REEP5: variants seen among roughly 807,000 people sequenced by gnomAD.
REEP5 encodes the protein receptor expression-enhancing protein 5.
Under a neutral mutation model 22.4 loss-of-function variants are expected in REEP5, and 24 were observed. The observed-to-expected ratio is 1.07, with a 90% CI of 0.78 to 1.51. The LOEUF is 1.51. Ranked by LOEUF, REEP5 falls within the 40% of genes most tolerant of loss-of-function variation. The pLI is 0.00. For missense variants in REEP5, 252 were observed against 233.0 expected (o/e 1.08, Z -0.53); for synonymous variants, 103 against 88.6 (o/e 1.16, Z -0.92).
intron 3 of REEP5, chr5:112,891,589 A>G (rs1414172470): frequency 6.4e-7 from 1 of 1,555,914 alleles, no homozygotes; most frequent in Non-Finnish European, 8.7e-7. Context: ...AAAATCTTCC[A>G]TATATTCCCA....
At chr5:112,902,806 T>G (rs1378915001) in intron 2 of REEP5, among the ~76,000 whole-genome samples, 1 of 152,174 alleles carries the variant, frequency 6.6e-6, no homozygotes, top group Non-Finnish European at 1.5e-5. Flanking sequence ...TCCTAGAATA[T>G]ACCACTAGTG....
At chr5:112,903,976 T>A (rs1006913209) in intron 2 of REEP5, among the ~76,000 whole-genome samples, 3 of 152,136 alleles carry the variant, frequency 2.0e-5, no homozygotes, top group African/African-American at 7.2e-5. Flanking sequence ...GTACTACAGG[T>A]ACACACCACC....
In REEP5 at chr5:112,878,666, AAT is replaced by A; in HGVS notation, c.*118_*119del. 1 of 1,389,112 alleles carries A rather than the reference AAT, an allele frequency of 7.2e-7. No homozygotes were observed. Among genetic ancestry groups the A allele is most frequent in the Non-Finnish European group, 9.8e-7 (1 of 1,015,318 alleles). 86.0% of individuals were successfully genotyped at this position (1,389,112 alleles called of 1,614,324 possible). A position where few individuals can be genotyped will look rare whatever the true frequency, so the allele number is the denominator to read the frequency against. Reference sequence around the variant, plus strand: ...AAACTTACAACACATTCCAATCTTTAATATCTCAAAAATGTTTCCAAGGCAAC... The same window carrying A: ...AAACTTACAACACATTCCAATCTTTAATCTCAAAAATGTTTCCAAGGCAAC... On this transcript the variant is annotated 3_prime_UTR_variant, in exon 5 of 5. Coordinates refer to ENST00000379638, the MANE Select transcript of REEP5 (RefSeq NM_005669.5).
chr5:112,916,741 A>AT (rs1237819942), intron 2 of REEP5, among the ~76,000 whole-genome samples: 2 of 152,176 alleles, frequency 1.3e-5, no homozygotes, highest in African/African-American at 4.8e-5. Context: ...AAAGCATGAA[A>AT]TTTGGAGCCA....
intron 2 of REEP5, among the ~76,000 whole-genome samples, chr5:112,904,839 T>C (rs1356014870): frequency 6.6e-6 from 1 of 152,188 alleles, no homozygotes; most frequent in Non-Finnish European, 1.5e-5. Context: ...AAAAAATTCT[T>C]TTTTAATTCA....
chr5:112,894,466 C>G (rs1045066648), intron 3 of REEP5: 14 of 152,232 alleles, frequency 9.2e-5, no homozygotes, highest in African/African-American at 2.9e-4. Context: ...ACTGTAGTTG[C>G]TTATATAGGA....
intron 2 of REEP5, among the ~76,000 whole-genome samples, chr5:112,916,615 G>C (rs1769238384): frequency 6.6e-6 from 1 of 152,164 alleles, no homozygotes; most frequent in Non-Finnish European, 1.5e-5. Flanking sequence ...GTATTGACAG[G>C]GTCAACTGTT....
chr5:112,892,569 C>T, intron 3 of REEP5: 2 of 1,614,110 alleles, frequency 1.2e-6, no homozygotes, highest in Non-Finnish European at 1.7e-6. Context: ...GCCCAGTGAC[C>T]CGGTGGAAAA....
chr5:112,890,658 G>C (rs1393341845), intron 3 of REEP5, among the ~76,000 whole-genome samples: 1 of 150,484 alleles, frequency 6.6e-6, no homozygotes, highest in Non-Finnish European at 1.5e-5. Context: ...GATTACAGGT[G>C]TGAGCCACTG....
intron 2 of REEP5, among the ~76,000 whole-genome samples, chr5:112,902,966 T>C (rs1768882760): frequency 6.6e-6 from 1 of 152,198 alleles, no homozygotes; most frequent in South Asian, 2.1e-4. Context: ...AAAGCAACAT[T>C]TGGAACATAG....
At chr5:112,891,586 T>C in intron 3 of REEP5, 2 of 1,554,874 alleles carry the variant, frequency 1.3e-6, no homozygotes, top group Non-Finnish European at 1.7e-6. Context: ...AACAAAATCT[T>C]CCATATATTC....
At position 112,888,118 on chromosome 5, in the gene REEP5, T is replaced by G. The variant is rs541691559; in HGVS notation, c.352-935A>C. 3.3e-5 allele frequency among the ~76,000 whole-genome samples: 5 copies of G among 152,290 alleles called. No individual in the cohort carries two copies. In the South Asian group the frequency reaches 1.0e-3, roughly 32 times the overall value. On this transcript the variant is annotated intron_variant, in intron 3 of 4. Coordinates refer to ENST00000379638, the MANE Select transcript of REEP5 (RefSeq NM_005669.5). The stretch of plus-strand genomic sequence containing the variant: ...TTACAGAGATTCCAAATCAGTATTT[T>G]TTACAACTTCTCCTTAGTGTAAAAA...
intron 3 of REEP5, chr5:112,892,861 AG>A (rs754337896): frequency 1.2e-6 from 2 of 1,612,836 alleles, no homozygotes; most frequent in South Asian, 1.1e-5. Flanking sequence ...GAGTAGTCAT[AG>A]GGGGAAGAAA....
rs771804016 is a variant in REEP5, at chr5:112,878,842, G to A, written c.521-7C>T. 2 of 1,613,990 alleles carry A rather than the reference G, an allele frequency of 1.2e-6. No homozygotes were observed. Among genetic ancestry groups the A allele is most frequent in the Non-Finnish European group, 1.7e-6 (2 of 1,179,998 alleles). On this transcript the variant is annotated splice_region_variant and splice_polypyrimidine_tract_variant and intron_variant, in intron 4 of 4. Transcript: ENST00000379638. ...TTCACGGTAGCTTTCTTCGCTGTTT[G>A]TTTGTTAGGAGGGAAAGAAAAATAT...
intron 2 of REEP5, among the ~76,000 whole-genome samples, chr5:112,909,440 G>A (rs899708739): frequency 1.3e-5 from 2 of 151,712 alleles, no homozygotes; most frequent in South Asian, 2.1e-4. Flanking sequence ...AGCTGTCAGA[G>A]GGTTTATATG....
intron 3 of REEP5, chr5:112,891,846 G>A: frequency 6.5e-7 from 1 of 1,547,778 alleles, no homozygotes; most frequent in Non-Finnish European, 8.9e-7. Context: ...AGAAGCTATT[G>A]GAAAGAGAGA....
At chr5:112,885,387 C>T (rs567247104) in intron 4 of REEP5, 3 of 182,660 alleles carry the variant, frequency 1.6e-5, no homozygotes, top group East Asian at 1.7e-4. Context: ...TGCATGGACT[C>T]GTAGTTGAGA....
intron 3 of REEP5, 29 bp downstream of exon 3, chr5:112,902,351 G>C (rs778416277): frequency 6.3e-7 from 1 of 1,589,430 alleles, no homozygotes; most frequent in Non-Finnish European, 8.5e-7. Context: ...TACTGAGATG[G>C]AGTTTTAGTG....
chr5:112,920,998 G>T (rs1173553657), intron 2 of REEP5, among the ~76,000 whole-genome samples, 165 bp downstream of exon 2: 1 of 152,156 alleles, frequency 6.6e-6, no homozygotes, highest in African/African-American at 2.4e-5. Context: ...TTAAGTTAAG[G>T]TTCCAAAATG....
Sources: allele counts gnomAD v4.1 joint callset (sites outside exome capture counted in the v4.1 genomes callset), GRCh38; gene constraint gnomAD v4.1.1; transcripts MANE v1.5; gene names NCBI Gene and HGNC (gene_info 2026-07-23, HGNC 2026-07-21).